MTPN: variants seen among roughly 807,000 people sequenced by gnomAD.
The protein encoded by MTPN is granule cell differentiation protein.
MTPN carries 2 observed loss-of-function variants against 13.5 expected under a neutral mutation model. That is an observed-to-expected ratio of 0.15 (90% CI 0.06 to 0.47). The LOEUF is 0.47. MTPN is among the 20% of genes least tolerant of loss of function. The pLI, the probability that MTPN is intolerant of heterozygous loss-of-function variation, is 0.97. For synonymous variants in MTPN, 46 were observed against 51.7 expected (o/e 0.89, Z 0.48); for missense variants, 79 against 137.9 (o/e 0.57, Z 2.14).
chr7:135,950,801 A>G lies in MTPN; in HGVS notation c.187-119T>C, dbSNP rs374548023. On this transcript the variant is annotated intron_variant, in intron 2 of 3. Transcript: ENST00000393085. The stretch of plus-strand genomic sequence containing the variant: ...TGCCTTTCTAGAAAATCAATCAATC[A>G]ATCAATCCACAGAGTCAAGTGTCTA... 96 of 770,658 alleles carry G rather than the reference A, an allele frequency of 1.2e-4. 1 individual carries two copies. The South Asian group carries it at 1.5e-3, about 12-fold the overall frequency. 47.7% of individuals were successfully genotyped at this position (770,658 alleles called of 1,614,324 possible).
At chr7:135,974,719 T>C (rs1799746419) in intron 1 of MTPN, among the ~76,000 whole-genome samples, 1 of 152,184 alleles carries the variant, frequency 6.6e-6, no homozygotes, top group Admixed American at 6.5e-5. Flanking sequence ...ATTTTCTTTG[T>C]ACACACCTAC....
rs139970410 is a variant in MTPN, at chr7:135,950,348, C to CTG, written c.270+249_270+250dup. Reference sequence around the variant, plus strand: ...TACAATGGTTATTTCAAGCTGGTTTCTGTGTGTGTGTGTGTAAAATATTTT... The same window carrying CTG: ...TACAATGGTTATTTCAAGCTGGTTTCTGTGTGTGTGTGTGTGTAAAATATTTT... On this transcript the variant is annotated intron_variant, in intron 3 of 3. Transcript: ENST00000393085. Among the ~76,000 whole-genome samples the CTG allele has an allele frequency of 3.9e-3, 590 of 151,872 alleles. 3 individuals carry two copies. The highest frequency in any genetic ancestry group is 6.6e-3 in the Non-Finnish European group (447 of 67,902).
chr7:135,939,983 T>C (rs1799183236), intron 3 of MTPN, among the ~76,000 whole-genome samples: 1 of 152,210 alleles, frequency 6.6e-6, no homozygotes. Context: ...AAATTATTTT[T>C]TTAAAAATAC....
In MTPN at chr7:135,929,851, G is replaced by C; in HGVS notation, c.*75C>G. 1.5e-6 allele frequency: 2 copies of C among 1,376,742 alleles called. No individual in the cohort carries two copies. Among genetic ancestry groups the C allele is most frequent in the Non-Finnish European group, 2.1e-6 (2 of 964,172 alleles). 85.3% of individuals were successfully genotyped at this position (1,376,742 alleles called of 1,614,324 possible). Reference sequence around the variant, plus strand: ...TTAGCTGAAGAAGCTGGCAGATAGAGAGTGACAGACAGACAGGCAGCAGTG... The same window carrying C: ...TTAGCTGAAGAAGCTGGCAGATAGACAGTGACAGACAGACAGGCAGCAGTG... On this transcript the variant is annotated 3_prime_UTR_variant, in exon 4 of 4. Transcript: ENST00000393085.
At chr7:135,952,701 C>T (rs1400142299) in intron 1 of MTPN, among the ~76,000 whole-genome samples, 2 of 152,170 alleles carry the variant, frequency 1.3e-5, no homozygotes, top group Admixed American at 1.3e-4. Context: ...GTGGCTCACA[C>T]CTGTAATCCC....
Position 135,927,148 on chromosome 7 carries a change from C to T in MTPN, c.*2778G>A, listed in dbSNP as rs1183383648. 1.6e-6 allele frequency: 1 copy of T among 631,742 alleles called. No individual in the cohort carries two copies. Among genetic ancestry groups the T allele is most frequent in the Non-Finnish European group, 2.4e-6 (1 of 411,334 alleles). The allele number at this position is 631,742 out of a possible 1,614,324, so 39.1% of individuals were successfully genotyped here. On this transcript the variant is annotated 3_prime_UTR_variant, in exon 4 of 4. Transcript: ENST00000393085. ...CAACTGAAATATTAGAAAAAAAAAT[C>T]AAACAGATACATACAGATTTAAAAT...
intron 1 of MTPN, among the ~76,000 whole-genome samples, chr7:135,969,084 G>A (rs1399457159): frequency 1.7e-5 from 1 of 60,384 alleles, no homozygotes; most frequent in Admixed American, 1.4e-4. Flanking sequence ...GGACTGTTGT[G>A]GGGTGGGGGG....
chr7:135,934,864 C>A (rs10241986), intron 3 of MTPN, among the ~76,000 whole-genome samples: 2 of 152,126 alleles, frequency 1.3e-5, no homozygotes, highest in Non-Finnish European at 2.9e-5. Flanking sequence ...GTCCTTTATA[C>A]AGGATTCAGG....
chr7:135,967,917 A>G (rs1346318608), intron 1 of MTPN, among the ~76,000 whole-genome samples: 3 of 152,150 alleles, frequency 2.0e-5, no homozygotes, highest in African/African-American at 7.2e-5. Flanking sequence ...ACAGTGCCAT[A>G]ATGAGCGTCT....
rs1371109983 is a variant in MTPN at position 135,929,608 on chromosome 7, G to A, written c.*318C>T. The A allele has an allele frequency of 3.7e-6, 1 of 273,612 alleles. No homozygotes were observed. Among genetic ancestry groups the A allele is most frequent in the East Asian group, 7.8e-5 (1 of 12,746 alleles). 16.9% of individuals were successfully genotyped at this position (273,612 alleles called of 1,614,324 possible). A position where few individuals can be genotyped will look rare whatever the true frequency, so the allele number is the denominator to read the frequency against. On this transcript the variant is annotated 3_prime_UTR_variant, in exon 4 of 4. Coordinates refer to ENST00000393085, the MANE Select transcript of MTPN (RefSeq NM_145808.4). Reference sequence around the variant, plus strand: ...TCAACACAATCTAATAAATTAGCTAGGGAGCTGAAAAGGTCAAATGTTACT... The same window carrying A: ...TCAACACAATCTAATAAATTAGCTAAGGAGCTGAAAAGGTCAAATGTTACT...
intron 1 of MTPN, among the ~76,000 whole-genome samples, chr7:135,966,982 A>G (rs1367231893): frequency 6.6e-6 from 1 of 152,142 alleles, no homozygotes; most frequent in Non-Finnish European, 1.5e-5. Context: ...GGGGCTGGAG[A>G]GGGCGGTGAA....
intron 3 of MTPN, among the ~76,000 whole-genome samples, chr7:135,934,286 T>C (rs10256848): frequency 0.02 from 3,038 of 152,280 alleles, 101 homozygotes; most frequent in African/African-American, 0.07. Flanking sequence ...AGGGTGGCTC[T>C]GTCCTTAAGG....
chr7:135,946,273 G>C (rs943937213), intron 3 of MTPN, among the ~76,000 whole-genome samples: 2 of 152,176 alleles, frequency 1.3e-5, no homozygotes, highest in African/African-American at 4.8e-5. Flanking sequence ...GAATATCCCA[G>C]ATAAGTGTCC....
intron 3 of MTPN, among the ~76,000 whole-genome samples, chr7:135,949,656 A>T (rs1799333903): frequency 6.6e-6 from 1 of 152,218 alleles, no homozygotes; most frequent in Non-Finnish European, 1.5e-5. Context: ...ATAAAGTGTT[A>T]AGAGATAAAT....
At chr7:135,967,931 G>A (rs918221208) in intron 1 of MTPN, among the ~76,000 whole-genome samples, 2 of 152,084 alleles carry the variant, frequency 1.3e-5, no homozygotes, top group African/African-American at 4.8e-5. Context: ...AGCGTCTATT[G>A]TACTATGTTT....
In MTPN at chr7:135,977,333, C is replaced by G. The variant is rs535713131; in HGVS notation, c.-233G>C. ...GCCCAGCAGAGAGGTTCCGCCTGGC[C>G]GAGGAGAGGCAGGAACCTTTACACT... On this transcript the variant is annotated 5_prime_UTR_variant, in exon 1 of 4. Transcript: ENST00000393085. The G allele has an allele frequency of 2.8e-4, 160 of 568,260 alleles. No homozygotes were observed. The highest frequency in any genetic ancestry group is 3.8e-4 in the Non-Finnish European group (119 of 316,934). 35.2% of individuals were successfully genotyped at this position (568,260 alleles called of 1,614,324 possible).
intron 3 of MTPN, among the ~76,000 whole-genome samples, chr7:135,941,451 T>C (rs1799208724): frequency 8.0e-6 from 1 of 125,694 alleles, no homozygotes; most frequent in Non-Finnish European, 1.8e-5. Flanking sequence ...TAAGTGTTGA[T>C]GCTGTTGTCT....
chr7:135,975,402 G>C (rs779102107), intron 1 of MTPN, among the ~76,000 whole-genome samples: 4 of 152,142 alleles, frequency 2.6e-5, no homozygotes, highest in Non-Finnish European at 5.9e-5. Context: ...TTTAGTTCTT[G>C]CTTCACAATT....
intron 1 of MTPN, among the ~76,000 whole-genome samples, chr7:135,960,535 T>C (rs1046373483): frequency 2.6e-5 from 4 of 151,914 alleles, no homozygotes; most frequent in African/African-American, 7.2e-5. Context: ...CTTTAAAGGA[T>C]AGGTAACAAA....
Sources: allele counts gnomAD v4.1 joint callset (sites outside exome capture counted in the v4.1 genomes callset), GRCh38; gene constraint gnomAD v4.1.1; transcripts MANE v1.5; gene names NCBI Gene and HGNC (gene_info 2026-07-23, HGNC 2026-07-21).